The following AGO4 variants were observed in gnomAD, a reference collection of about 807,000 sequenced individuals.
The protein encoded by AGO4 is protein argonaute-4.
In AGO4, 33 loss-of-function variants were observed where a neutral mutation model predicts 104.7. That is an observed-to-expected ratio of 0.32 (90% CI 0.24 to 0.42). AGO4 has a LOEUF of 0.42. AGO4 is among the 10% of genes least tolerant of loss of function. The pLI is 1.00. For synonymous variants in AGO4, 331 were observed against 364.7 expected (o/e 0.91, Z 1.05); for missense variants, 711 against 1,083.4 (o/e 0.66, Z 4.83).
chr1:35,822,827 G>A, intron 2 of AGO4, 35 bp from the exon 3 acceptor site: 1 of 1,610,332 alleles, frequency 6.2e-7, no homozygotes, highest in Non-Finnish European at 8.5e-7. Flanking sequence ...CACCATTTCT[G>A]AAAGCTAACT....
chr1:35,830,886 C>T (rs1339672715), intron 7 of AGO4, among the ~76,000 whole-genome samples: 14 of 151,052 alleles, frequency 9.3e-5, no homozygotes, highest in South Asian at 2.1e-4. Flanking sequence ...GCAGGAGAAC[C>T]GCTTGAACCC....
Position 35,851,098 on chromosome 1 carries a change from A to G in AGO4, c.2477+45A>G, listed in dbSNP as rs375164680. 14 of 1,526,312 alleles carry G rather than the reference A, an allele frequency of 9.2e-6. No homozygotes were observed. In the African/African-American group the frequency reaches 1.9e-4, roughly 21 times the overall value. 94.5% of individuals were successfully genotyped at this position (1,526,312 alleles called of 1,614,324 possible). ...TAAAGTCTCTTTATATTTTAGTAGC[A>G]TGTTAAAAAAAATGAGCTACAATAG... is the stretch of plus-strand genomic sequence containing the variant. On this transcript the variant is annotated intron_variant, in intron 17 of 17. Transcript: ENST00000373210.
intron 12 of AGO4, among the ~76,000 whole-genome samples, chr1:35,834,535 G>A (rs1644260258): frequency 6.6e-6 from 1 of 152,186 alleles, no homozygotes; most frequent in South Asian, 2.1e-4. Context: ...TACTACCATA[G>A]GCCTGGAAGC....
At chr1:35,815,122 C>A (rs183839885) in intron 1 of AGO4, among the ~76,000 whole-genome samples, 129 of 152,314 alleles carry the variant, frequency 8.5e-4, no homozygotes, top group Non-Finnish European at 3.1e-4. Flanking sequence ...AGGTCATCTG[C>A]CTGCCTTGGC....
intron 6 of AGO4, 114 bp from the exon 7 acceptor site, chr1:35,826,634 T>C: frequency 4.2e-6 from 4 of 941,804 alleles, no homozygotes; most frequent in Non-Finnish European, 6.7e-6. Flanking sequence ...GTCCCCATAT[T>C]CTTGCAATTT....
intron 13 of AGO4, among the ~76,000 whole-genome samples, chr1:35,837,830 A>T (rs921355320): frequency 2.6e-5 from 4 of 152,108 alleles, no homozygotes; most frequent in African/African-American, 9.7e-5. Context: ...GGATAGGCAG[A>T]TTATCTTCTC....
chr1:35,838,945 A>G (rs1230555387), intron 13 of AGO4, among the ~76,000 whole-genome samples: 1 of 151,468 alleles, frequency 6.6e-6, no homozygotes, highest in Non-Finnish European at 1.5e-5. Flanking sequence ...TAATCTTAGC[A>G]TATTTTGTCA....
Position 35,841,315 on chromosome 1 carries a change from T to G in AGO4, c.1875T>G (p.Thr625=), listed in dbSNP as rs779027809. 38 of 1,614,188 alleles carry G rather than the reference T, an allele frequency of 2.4e-5. No individual in the cohort carries two copies. Among genetic ancestry groups the G allele is most frequent in the Non-Finnish European group, 3.2e-5 (38 of 1,180,032 alleles). Residue 625 remains threonine (T), a synonymous_variant, in exon 14 of 18, where the codon ACT becomes ACG. Coordinates refer to ENST00000373210, the MANE Select transcript of AGO4 (RefSeq NM_017629.4). This position sits in a 1 kb window ranked among gnomAD's most constrained non-coding sequence, Gnocchi z 4.7. Reference sequence around the variant, plus strand: ...ACTGTGCCACCGTTCGGGTGCAGACTTCCCGGCAGGAGATCTCCCAAGAGC... The same window carrying G: ...ACTGTGCCACCGTTCGGGTGCAGACGTCCCGGCAGGAGATCTCCCAAGAGC... ...SRYCATVRVQ[T]SRQEISQELL...
In AGO4 at chr1:35,832,397, T is replaced by TTTC. The variant is rs761785153; in HGVS notation, c.1246-19_1246-17dup. ...GTAATGTCTTTTCTCTTTTCTTTTG[T>TTTC]TTCTTCTTCTTCTTCTTCTTCTTTT... is the stretch of plus-strand genomic sequence containing the variant. On this transcript the variant is annotated intron_variant, in intron 10 of 17. Coordinates refer to ENST00000373210, the MANE Select transcript of AGO4 (RefSeq NM_017629.4). The TTTC allele has an allele frequency of 2.2e-4, 335 of 1,522,958 alleles. 1 individual carries two copies. The highest frequency in any genetic ancestry group is 1.4e-3 in the Admixed American group (61 of 43,326). 94.3% of individuals were successfully genotyped at this position (1,522,958 alleles called of 1,614,324 possible).
intron 8 of AGO4, 56 bp downstream of exon 8, chr1:35,831,630 T>C: frequency 6.3e-7 from 1 of 1,576,846 alleles, no homozygotes; most frequent in South Asian, 1.2e-5. Flanking sequence ...TATATATTTT[T>C]AAGTAGAGTT....
At chr1:35,826,691 G>C in intron 6 of AGO4, 57 bp from the exon 7 acceptor site, 4 of 1,407,518 alleles carry the variant, frequency 2.8e-6, no homozygotes, top group Non-Finnish European at 4.0e-6. Context: ...ATTTGAATCT[G>C]TTTTTGCCAC....
chr1:35,812,712 C>G (rs1482413201), intron 1 of AGO4, among the ~76,000 whole-genome samples: 1 of 152,152 alleles, frequency 6.6e-6, no homozygotes, highest in Non-Finnish European at 1.5e-5. Context: ...CTGCCTCAGT[C>G]TCCCGAGTAG....
chr1:35,845,327 C>T (rs530530587), intron 15 of AGO4, among the ~76,000 whole-genome samples: 4 of 151,574 alleles, frequency 2.6e-5, no homozygotes, highest in Admixed American at 6.6e-5. Flanking sequence ...CCTGCCTCAG[C>T]CTACCAAGTA....
chr1:35,817,822 T>A (rs1172686131), intron 2 of AGO4, among the ~76,000 whole-genome samples: 2 of 152,222 alleles, frequency 1.3e-5, no homozygotes, highest in Non-Finnish European at 2.9e-5. Context: ...CATTCTCTTG[T>A]AAACCCATTA....
rs547408253 is a variant in AGO4, at chr1:35,843,619, G to A, written c.2175+1869G>A. ...AAAAATTTAAATAAAAAATAGACCA[G>A]CACATGTCAAATAAAATAAATAAAT... On this transcript the variant is annotated intron_variant, in intron 15 of 17. Coordinates refer to ENST00000373210, the MANE Select transcript of AGO4 (RefSeq NM_017629.4). 2.0e-5 allele frequency among the ~76,000 whole-genome samples: 3 copies of A among 151,652 alleles called. No homozygotes were observed. In the South Asian group the frequency reaches 6.2e-4, roughly 31 times the overall value.
At chr1:35,848,498 CT>C (rs1644626182) in intron 15 of AGO4, among the ~76,000 whole-genome samples, 1 of 152,170 alleles carries the variant, frequency 6.6e-6, no homozygotes, top group Non-Finnish European at 1.5e-5. Flanking sequence ...CTTGATGCCC[CT>C]GGCTGTCATC....
Position 35,808,511 on chromosome 1 carries a change from C to CA in AGO4, c.19+76_19+77insA. ...CGGGCGGCCGGGACTTTCGCTGCCCCGTCGCCTCGCCGGGTTCGGGCCGCC... is the reference window on the plus strand; with the variant it reads ...CGGGCGGCCGGGACTTTCGCTGCCCCAGTCGCCTCGCCGGGTTCGGGCCGCC... On this transcript the variant is annotated intron_variant, in intron 1 of 17. Coordinates refer to ENST00000373210, the MANE Select transcript of AGO4 (RefSeq NM_017629.4). This position sits in a 1 kb window ranked among gnomAD's most constrained non-coding sequence, Gnocchi z 5.2. The CA allele has an allele frequency of 8.7e-7, 1 of 1,150,988 alleles. No homozygotes were observed. The highest frequency in any genetic ancestry group is 1.1e-6 in the Non-Finnish European group (1 of 930,870). The allele number at this position is 1,150,988 out of a possible 1,614,324, so 71.3% of individuals were successfully genotyped here.
chr1:35,816,895 C>G lies in AGO4; in HGVS notation c.33C>G (p.Ser11Arg), dbSNP rs762067130. 9.9e-6 allele frequency: 16 copies of G among 1,612,298 alleles called. No homozygotes were observed. The East Asian group carries it at 3.6e-4, about 36-fold the overall frequency. The change falls in exon 2 of 18, where the codon AGC becomes AGG. Residue 11 changes from serine (S) to arginine (R), a missense_variant. Physicochemically the swap from Ser to Arg is moderately radical, Grantham distance 110 (BLOSUM62 -1). This residue lies in a region of AGO4 where 308 missense variants were observed against 397.8 expected (regional missense o/e 0.77). Transcript: ENST00000373210. ...CAATCTCTTTAGGACCTCCGGCTAG[C>G]CTGTTTCAGCCACCTCGTCGTCCTG... The part of the protein sequence containing the change: MEALGPGPPA[S>R]LFQPPRRPGL...
At chr1:35,822,099 C>T (rs1407360440) in intron 2 of AGO4, among the ~76,000 whole-genome samples, 1 of 151,918 alleles carries the variant, frequency 6.6e-6, no homozygotes, top group South Asian at 2.1e-4. Context: ...AGGCTAGTCT[C>T]GAACTCCTGA....
Sources: gnomAD v4.1 joint callset for allele counts (sites outside exome capture counted in the v4.1 genomes callset) on GRCh38, gnomAD v4.1.1 for gene constraint, gnomAD v4.1.1 regional missense constraint, Gnocchi (gnomAD v3.1) non-coding constraint, MANE v1.5 for transcripts, NCBI Gene and HGNC (gene_info 2026-07-23, HGNC 2026-07-21) for gene names.